FXYD1: variants seen among roughly 807,000 people sequenced by gnomAD.
FXYD1 encodes the protein phospholemman.
FXYD1 carries 9 observed loss-of-function variants against 17.2 expected under a neutral mutation model. The observed-to-expected ratio is 0.52, with a 90% CI of 0.32 to 0.91. The LOEUF (loss-of-function observed/expected upper bound fraction) is 0.91. Among genes scored for constraint, FXYD1 ranks in the 40% least tolerant of loss-of-function variants. The probability of loss-of-function intolerance (pLI) is 0.04; values close to 1 mark genes in which losing one functional copy is unlikely to be tolerated. For synonymous variants in FXYD1, 55 were observed against 45.8 expected (o/e 1.20, Z -0.81); for missense variants, 113 against 120.6 (o/e 0.94, Z 0.29).
In FXYD1 at chr19:35,140,635, C is replaced by CG. The variant is rs751612859; in HGVS notation, c.94+12dup. The CG allele has an allele frequency of 3.7e-6, 6 of 1,612,740 alleles. No homozygotes were observed. The highest frequency in any genetic ancestry group is 2.2e-5 in the East Asian group (1 of 44,854). On this transcript the variant is annotated splice_region_variant and intron_variant, in intron 3 of 7. Coordinates refer to ENST00000351325, the MANE Select transcript of FXYD1 (RefSeq NM_021902.4). The stretch of plus-strand genomic sequence containing the variant: ...ACACGACCCGTTCACTTACGGTGAG[C>CG]GGGGGGTCTAATTTTGAGTCCTGGG...
At position 35,141,494 on chromosome 19, in the gene FXYD1, C is replaced by G. The variant is rs1296681702; in HGVS notation, c.170-42C>G. The G allele has an allele frequency of 4.5e-6, 7 of 1,569,730 alleles. No homozygotes were observed. The Admixed American group carries it at 5.3e-5, about 12-fold the overall frequency. On this transcript the variant is annotated intron_variant, in intron 4 of 7. Transcript: ENST00000351325. ...AGCTACAGCGCCGCTTGGCGCCCGC[C>G]GGGAGGGAGCCTCAGCTTCTCCTAC...
rs748389026 is a variant in FXYD1 at position 35,141,212 on chromosome 19, T to C, written c.169+6T>C. 24 of 1,577,660 alleles carry C rather than the reference T, an allele frequency of 1.5e-5. 1 individual carries two copies. The East Asian group carries it at 3.1e-4, about 21-fold the overall frequency. On this transcript the variant is annotated splice_donor_region_variant and intron_variant, in intron 4 of 7. Transcript: ENST00000351325. ...GGGCATCCTCATCGTGCTGAGTGAGTGCCCCTAGCTCCCGCCCTCTACCCC... is the reference window on the plus strand; with the variant it reads ...GGGCATCCTCATCGTGCTGAGTGAGCGCCCCTAGCTCCCGCCCTCTACCCC...
At chr19:35,142,288 C>T (rs1334691984) in intron 5 of FXYD1, 184 bp from the exon 6 acceptor site, 9 of 563,564 alleles carry the variant, frequency 1.6e-5, no homozygotes, top group African/African-American at 5.8e-5. Flanking sequence ...AGCTTAGAAG[C>T]CCCCTGCCAG....
intron 1 of FXYD1, chr19:35,139,662 C>T (rs898129743): frequency 2.8e-5 from 5 of 176,888 alleles, no homozygotes; most frequent in Non-Finnish European, 6.0e-5. Flanking sequence ...GCTGGGATTT[C>T]GCGGGGCACA....
Position 35,142,458 on chromosome 19 carries a change from C to T in FXYD1, c.207-14C>T, listed in dbSNP as rs962566365. On this transcript the variant is annotated splice_polypyrimidine_tract_variant and intron_variant, in intron 5 of 7. Coordinates refer to ENST00000351325, the MANE Select transcript of FXYD1 (RefSeq NM_021902.4). ...CCTTTCCATCCCGAAATCCCTCTGC[C>T]TCTGTCTTCCCAGGACTGGGGAACC... The T allele has an allele frequency of 1.2e-6, 2 of 1,602,564 alleles. No individual in the cohort carries two copies. The highest frequency in any genetic ancestry group is 2.2e-5 in the East Asian group (1 of 44,536).
chr19:35,140,078 C>T lies in FXYD1; in HGVS notation c.-2C>T. 1.2e-6 allele frequency: 2 copies of T among 1,612,984 alleles called. No individual in the cohort carries two copies. The highest frequency in any genetic ancestry group is 1.7e-6 in the Non-Finnish European group (2 of 1,178,960). On this transcript the variant is annotated splice_region_variant and 5_prime_UTR_variant, in exon 2 of 8. Coordinates refer to ENST00000351325, the MANE Select transcript of FXYD1 (RefSeq NM_021902.4). ...CTAATCCGTGGTGTCCCCCCCAGGACAATGGCGTCTCTTGGCCACATCTTG... is the reference window on the plus strand; with the variant it reads ...CTAATCCGTGGTGTCCCCCCCAGGATAATGGCGTCTCTTGGCCACATCTTG...
At chr19:35,140,680 G>T (rs757989502) in intron 3 of FXYD1, 51 bp downstream of exon 3, 2 of 1,503,688 alleles carry the variant, frequency 1.3e-6, no homozygotes, top group Non-Finnish European at 1.9e-6. Flanking sequence ...GGCTTTGCTG[G>T]TCCTTTGATT....
chr19:35,141,961 A>G (rs1568403285), intron 5 of FXYD1, among the ~76,000 whole-genome samples: 1 of 152,262 alleles, frequency 6.6e-6, no homozygotes, highest in African/African-American at 2.4e-5. Flanking sequence ...AGCATGGACA[A>G]TGTATGAATA....
At chr19:35,140,005 AAT>A in intron 1 of FXYD1, 69 bp from the exon 2 acceptor site, 1 of 1,315,126 alleles carries the variant, frequency 7.6e-7, no homozygotes, top group South Asian at 1.2e-5. Flanking sequence ...TCTCTGACTT[AAT>A]CCCTTGGGTT....
intron 3 of FXYD1, chr19:35,140,896 G>T: frequency 1.7e-6 from 1 of 585,658 alleles, no homozygotes; most frequent in Non-Finnish European, 3.0e-6. Flanking sequence ...GCTTCTTCCC[G>T]TCTTCTCTCC....
At chr19:35,141,965 A>G (rs2065260912) in intron 5 of FXYD1, among the ~76,000 whole-genome samples, 1 of 152,268 alleles carries the variant, frequency 6.6e-6, no homozygotes, top group Non-Finnish European at 1.5e-5. Context: ...TGGACAATGT[A>G]TGAATATGTT....
intron 4 of FXYD1, 59 bp downstream of exon 4, chr19:35,141,265 G>A: frequency 5.7e-6 from 2 of 349,374 alleles, no homozygotes; most frequent in Non-Finnish European, 8.7e-6. Flanking sequence ...CCTCTCTCTG[G>A]CCCCGCCTCT....
At chr19:35,141,400 C>T (rs1272636483) in intron 4 of FXYD1, 136 bp from the exon 5 acceptor site, 4 of 712,958 alleles carry the variant, frequency 5.6e-6, no homozygotes, top group Non-Finnish European at 7.2e-6. Flanking sequence ...GCCTTGGTTC[C>T]CCGGCCCCCG....
chr19:35,139,258 C>T (rs1227541115), intron 1 of FXYD1: 1 of 140,576 alleles, frequency 7.1e-6, no homozygotes, highest in East Asian at 2.1e-4. Flanking sequence ...CATTCCGGCC[C>T]CACTGTGTGT....
Position 35,139,795 on chromosome 19 carries a change from C to T in FXYD1, c.-4-281C>T, listed in dbSNP as rs116884289. ...AGGTCTGGGAATCGGGGGCCTGCTG[C>T]GGGAGGTGGAGGCCCAAGGGAGGCC... On this transcript the variant is annotated intron_variant, in intron 1 of 7. Coordinates refer to ENST00000351325, the MANE Select transcript of FXYD1 (RefSeq NM_021902.4). 5.1e-3 allele frequency: 1,919 copies of T among 377,456 alleles called. 59 individuals are homozygous for T. In the East Asian group the frequency reaches 0.067, roughly 13 times the overall value. 23.4% of individuals were successfully genotyped at this position (377,456 alleles called of 1,614,324 possible). A position where few individuals can be genotyped will look rare whatever the true frequency, so the allele number is the denominator to read the frequency against.
At chr19:35,140,726 T>C (rs2065243892) in intron 3 of FXYD1, 97 bp downstream of exon 3, 1 of 926,078 alleles carries the variant, frequency 1.1e-6, no homozygotes. Flanking sequence ...AGTATTGATA[T>C]CTCTGTCATT....
chr19:35,142,843 G>A, intron 7 of FXYD1, 72 bp downstream of exon 7: 3 of 1,204,552 alleles, frequency 2.5e-6, no homozygotes, highest in Non-Finnish European at 3.6e-6. Flanking sequence ...AGGGGGCCAA[G>A]TGCCAGAGTT....
chr19:35,140,901 C>G (rs1041771821), intron 3 of FXYD1: 13 of 591,320 alleles, frequency 2.2e-5, no homozygotes, highest in Middle Eastern at 5.7e-4. Context: ...TTCCCGTCTT[C>G]TCTCCCCCCT....
intron 6 of FXYD1, 23 bp from the exon 7 acceptor site, chr19:35,142,697 C>G (rs149407483): frequency 6.2e-7 from 1 of 1,613,126 alleles, no homozygotes; most frequent in Non-Finnish European, 8.5e-7. Context: ...CAGAATGACC[C>G]CCGATCTCCG....
Sources: allele counts gnomAD v4.1 joint callset (sites outside exome capture counted in the v4.1 genomes callset), GRCh38; gene constraint gnomAD v4.1.1; transcripts MANE v1.5; gene names NCBI Gene and HGNC (gene_info 2026-07-23, HGNC 2026-07-21).